The following ZNF462 variants were observed in gnomAD, a reference collection of about 807,000 sequenced individuals.
ZNF462 encodes zinc finger protein 462.
A neutral mutation model predicts 201.9 loss-of-function variants in ZNF462; 10 were observed. The ratio of observed to expected loss-of-function variants is 0.05; its 90% CI spans 0.03 to 0.08. ZNF462 has a LOEUF of 0.08. Ranked by LOEUF, ZNF462 falls within the 10% of genes least tolerant of loss-of-function variation. The pLI, the probability that ZNF462 is intolerant of heterozygous loss-of-function variation, is 1.00. For missense variants in ZNF462, 2,523 were observed against 3,168.3 expected, an observed-to-expected ratio of 0.80 and a Z score of 4.89; for synonymous variants, 1,227 against 1,193.3, an observed-to-expected ratio of 1.03 and a Z score of -0.58.
In ZNF462 at chr9:106,932,743, G is replaced by C; in HGVS notation, c.6116+194G>C. The stretch of plus-strand genomic sequence containing the variant: ...ACAGGAGATTGATCGGATGGCGTTA[G>C]ATTTGGCAAATGCAGGCATTTTAAA... On this transcript the variant is annotated intron_variant, in intron 5 of 12. Coordinates refer to ENST00000277225, the MANE Select transcript of ZNF462 (RefSeq NM_021224.6). The surrounding 1 kb of genome is among the most constrained non-coding windows in gnomAD (Gnocchi z 6.8). 1.5e-6 allele frequency: 1 copy of C among 688,280 alleles called. No homozygotes were observed. The highest frequency in any genetic ancestry group is 2.4e-6 in the Non-Finnish European group (1 of 416,120). 42.6% of individuals were successfully genotyped at this position (688,280 alleles called of 1,614,324 possible). A position where few individuals can be genotyped will look rare whatever the true frequency, so the allele number is the denominator to read the frequency against.
At chr9:107,007,666 A>G (rs1243338588) in intron 11 of ZNF462, among the ~76,000 whole-genome samples, 2 of 152,136 alleles carry the variant, frequency 1.3e-5, no homozygotes, top group Non-Finnish European at 2.9e-5. Flanking sequence ...ATCTAGGTGT[A>G]TTCTTGGCAG....
chr9:106,966,339 T>A lies in ZNF462; in HGVS notation c.6428-5666T>A, dbSNP rs1196578556. Among the ~76,000 whole-genome samples, 2 of 152,122 alleles carry A rather than the reference T, an allele frequency of 1.3e-5. No individual in the cohort carries two copies. The highest frequency in any genetic ancestry group is 4.8e-5 in the African/African-American group (2 of 41,434). ...GTGATAATAATGTAGTTGTTGAATTTCTGTTTAGTTTCTCCAAAATGTACG... is the reference window on the plus strand; with the variant it reads ...GTGATAATAATGTAGTTGTTGAATTACTGTTTAGTTTCTCCAAAATGTACG... On this transcript the variant is annotated intron_variant, in intron 7 of 12. Coordinates refer to ENST00000277225, the MANE Select transcript of ZNF462 (RefSeq NM_021224.6). The surrounding 1 kb of genome is among the most constrained non-coding windows in gnomAD (Gnocchi z 4.4).
At chr9:106,943,255 T>C (rs1030018721) in intron 7 of ZNF462, among the ~76,000 whole-genome samples, 1 of 152,166 alleles carries the variant, frequency 6.6e-6, no homozygotes, top group Non-Finnish European at 1.5e-5. Flanking sequence ...CAATTTCCTT[T>C]TGTACCGATT....
intron 10 of ZNF462, among the ~76,000 whole-genome samples, chr9:106,990,128 C>T (rs867430205): frequency 6.6e-6 from 1 of 151,920 alleles, no homozygotes; most frequent in African/African-American, 2.4e-5. Flanking sequence ...TCATTATTGT[C>T]GTTTGGTTCA....
intron 7 of ZNF462, among the ~76,000 whole-genome samples, chr9:106,958,359 A>T (rs1457619916): frequency 6.6e-6 from 1 of 152,054 alleles, no homozygotes; most frequent in Non-Finnish European, 1.5e-5. Flanking sequence ...AAAGCTGTTC[A>T]TTGGGCCCTG....
rs775324044 is a variant in ZNF462 at position 106,925,226 on chromosome 9, G to T, written c.1314G>T (p.Arg438Ser). The T allele has an allele frequency of 1.9e-6, 3 of 1,614,176 alleles. No individual in the cohort carries two copies. The highest frequency in any genetic ancestry group is 2.2e-5 in the South Asian group (2 of 91,084). Residue 438 changes from arginine to serine, a missense_variant, in exon 3 of 13, where the codon AGG becomes AGT. By Grantham distance (110) the Arg-to-Ser change is moderately radical. Transcript: ENST00000277225. This position sits in a 1 kb window ranked among gnomAD's most constrained non-coding sequence, Gnocchi z 7.9. ...KGIPFRRFMN[R>S]FQCPFCPFLT... is the part of the protein sequence containing the mutation. ...TTCCATTTAGAAGATTCATGAATAG[G>T]TTCCAGTGCCCCTTTTGTCCTTTCC...
chr9:106,995,963 C>T (rs923243674), intron 10 of ZNF462, among the ~76,000 whole-genome samples: 1 of 152,152 alleles, frequency 6.6e-6, no homozygotes, highest in Admixed American at 6.5e-5. Context: ...TATCCCTTCC[C>T]TCTACCCCCA....
intron 6 of ZNF462, among the ~76,000 whole-genome samples, chr9:106,937,145 T>G (rs1465955598): frequency 1.3e-5 from 2 of 152,174 alleles, no homozygotes; most frequent in East Asian, 3.8e-4. Context: ...ACATCTGGAT[T>G]TGAATTCTCT....
chr9:106,990,309 T>C (rs571353953), intron 10 of ZNF462, among the ~76,000 whole-genome samples: 2 of 152,190 alleles, frequency 1.3e-5, no homozygotes, highest in South Asian at 4.2e-4. Context: ...TCAATTTTCT[T>C]AATTTATTGA....
intron 1 of ZNF462, among the ~76,000 whole-genome samples, chr9:106,894,058 CTA>C (rs1169363071): frequency 1.3e-5 from 2 of 152,218 alleles, no homozygotes; most frequent in Non-Finnish European, 2.9e-5. Flanking sequence ...TGTTATAATC[CTA>C]TGAAATAGTA....
At chr9:106,864,052 CTCTCTCTCT>C (rs1827186344) in intron 1 of ZNF462, among the ~76,000 whole-genome samples, 6 of 55,994 alleles carry the variant, frequency 1.1e-4, no homozygotes, top group African/African-American at 5.1e-4. Context: ...CTCTCTCTCT[CTCTCTCTCT>C]CTCTCTCTCT....
At chr9:106,990,367 C>T (rs746090165) in intron 10 of ZNF462, among the ~76,000 whole-genome samples, 2 of 151,944 alleles carry the variant, frequency 1.3e-5, no homozygotes, top group Non-Finnish European at 2.9e-5. Context: ...AAGTTCCCTG[C>T]ACTGTTGAAT....
At position 106,928,302 on chromosome 9, in the gene ZNF462, G is replaced by T. The variant is rs775687483; in HGVS notation, c.4390G>T (p.Ala1464Ser). 3.1e-6 allele frequency: 5 copies of T among 1,614,004 alleles called. No homozygotes were observed. Among genetic ancestry groups the T allele is most frequent in the Non-Finnish European group, 4.2e-6 (5 of 1,180,004 alleles). The change falls in exon 3 of 13, where the codon GCC becomes TCC. Residue 1464 changes from alanine to serine, a missense_variant. Coordinates refer to ENST00000277225, the MANE Select transcript of ZNF462 (RefSeq NM_021224.6). This position sits in a 1 kb window ranked among gnomAD's most constrained non-coding sequence, Gnocchi z 9.3. ...CCTGCAGCTAGCTTCAGCCAACCCC[G>T]CCATATCCTCCACCCCATACCAGTG... is the stretch of plus-strand genomic sequence containing the variant. ...KSLQLASANP[A>S]ISSTPYQCTV...
At chr9:107,001,531 G>T (rs1485377924) in intron 10 of ZNF462, among the ~76,000 whole-genome samples, 1 of 152,022 alleles carries the variant, frequency 6.6e-6, no homozygotes, top group Non-Finnish European at 1.5e-5. Flanking sequence ...CTTGAACTCG[G>T]GTCTGTCTGA....
chr9:106,932,352 T>C lies in ZNF462; in HGVS notation c.6013-94T>C. On this transcript the variant is annotated intron_variant, in intron 4 of 12. Transcript: ENST00000277225. This position sits in a 1 kb window ranked among gnomAD's most constrained non-coding sequence, Gnocchi z 6.8. ...GCGCCCTGGTGGGCCGGGTGGATGG[T>C]GAACACTGCTTGCTTGATGGAATGT... 1 of 1,585,882 alleles carries C rather than the reference T, an allele frequency of 6.3e-7. No individual in the cohort carries two copies. The highest frequency in any genetic ancestry group is 8.6e-7 in the Non-Finnish European group (1 of 1,165,616).
Position 106,966,890 on chromosome 9 carries a change from C to CG in ZNF462, c.6428-5114dup, listed in dbSNP as rs1832097328. Among the ~76,000 whole-genome samples the CG allele has an allele frequency of 1.3e-5, 2 of 152,078 alleles. No homozygotes were observed. The highest frequency in any genetic ancestry group is 1.3e-4 in the Admixed American group (2 of 15,258). On this transcript the variant is annotated intron_variant, in intron 7 of 12. Coordinates refer to ENST00000277225, the MANE Select transcript of ZNF462 (RefSeq NM_021224.6). The surrounding 1 kb of genome is among the most constrained non-coding windows in gnomAD (Gnocchi z 4.4). ...TAGCTCAAATATAATTAAATGTACT[C>CG]GCTGGCACCAAGGTACTTCTGTTCC...
At chr9:106,998,516 A>G (rs1181973677) in intron 10 of ZNF462, among the ~76,000 whole-genome samples, 3 of 152,190 alleles carry the variant, frequency 2.0e-5, no homozygotes, top group South Asian at 4.1e-4. Flanking sequence ...TTAAAAGCCA[A>G]CAAATAGACA....
In ZNF462 at chr9:106,926,428, C is replaced by T. The variant is rs753771521; in HGVS notation, c.2516C>T (p.Ser839Phe). 13 of 1,614,198 alleles carry T rather than the reference C, an allele frequency of 8.1e-6. No individual in the cohort carries two copies. The highest frequency in any genetic ancestry group is 1.1e-5 in the Non-Finnish European group (13 of 1,180,038). The change falls in exon 3 of 13, where the codon TCT becomes TTT. Residue 839 changes from serine to phenylalanine, a missense_variant. Ser to Phe is a radical substitution (Grantham distance 155). Coordinates refer to ENST00000277225, the MANE Select transcript of ZNF462 (RefSeq NM_021224.6). The surrounding 1 kb of genome is among the most constrained non-coding windows in gnomAD (Gnocchi z 7.9). ...AGTGAAAACACAGACTTTGGTGACT[C>T]TGGAAGGCTTTACTATTGTAAACAC... ...HNSENTDFGD[S>F]GRLYYCKHCD...
intron 9 of ZNF462, among the ~76,000 whole-genome samples, chr9:106,983,486 G>T (rs577765086): frequency 6.6e-6 from 1 of 152,264 alleles, no homozygotes; most frequent in South Asian, 2.1e-4. Flanking sequence ...AATCCCCTTA[G>T]TTTCAAAAGG....
Sources: gnomAD v4.1 joint callset for allele counts (sites outside exome capture counted in the v4.1 genomes callset) on GRCh38, gnomAD v4.1.1 for gene constraint, Gnocchi (gnomAD v3.1) non-coding constraint, MANE v1.5 for transcripts, NCBI Gene and HGNC (gene_info 2026-07-23, HGNC 2026-07-21) for gene names.